The following VCL variants were observed in gnomAD, a reference collection of about 807,000 sequenced individuals.
VCL encodes the protein epididymis luminal protein 114.
A neutral mutation model predicts 125.7 loss-of-function variants in VCL; 47 were observed. That is an observed-to-expected ratio of 0.37 (90% confidence interval 0.30 to 0.48). VCL has a LOEUF of 0.48. VCL is among the 20% of genes least tolerant of loss of function. The probability of loss-of-function intolerance (pLI) is 0.99; values close to 1 mark genes in which losing one functional copy is unlikely to be tolerated. For synonymous variants in VCL, 458 were observed against 514.6 expected (o/e 0.89, Z 1.49); for missense variants, 1,069 against 1,455.5 (o/e 0.73, Z 4.32).
Position 74,074,842 on chromosome 10 carries a change from T to G in VCL, c.722T>G (p.Ile241Ser). ...ACTGTAGAAAAAATGAGTGCTGAAA[T>G]TAATGAGATAATTCGTGTGTTACAA... ...NFTVEKMSAE[I>S]NEIIRVLQLT... The change falls in exon 6 of 22, where the codon ATT becomes AGT. Residue 241 changes from isoleucine to serine, a missense_variant. Physicochemically the swap from Ile to Ser is moderately radical, Grantham distance 142. Coordinates refer to ENST00000211998, the MANE Select transcript of VCL (RefSeq NM_014000.3). 6.2e-7 allele frequency: 1 copy of G among 1,614,130 alleles called. No individual in the cohort carries two copies. The highest frequency in any genetic ancestry group is 8.5e-7 in the Non-Finnish European group (1 of 1,180,014).
rs369092479 is a variant in VCL at position 74,116,753 on chromosome 10, A to G, written c.3259-1270A>G. Among the ~76,000 whole-genome samples the G allele has an allele frequency of 5.8e-4, 88 of 152,258 alleles. 1 individual carries two copies. The highest frequency in any genetic ancestry group is 1.2e-3 in the Admixed American group (18 of 15,292). On this transcript the variant is annotated intron_variant, in intron 21 of 21. Transcript: ENST00000211998. ...AACAAAAAACAAAACCCATAGGACT[A>G]TAAGTCAGAAATCCTGAGTCCTAAT...
At chr10:74,065,273 A>G (rs890022751) in intron 2 of VCL, among the ~76,000 whole-genome samples, 1 of 151,836 alleles carries the variant, frequency 6.6e-6, no homozygotes, top group African/African-American at 2.4e-5. Context: ...AGTAGCTGGG[A>G]TTACAGGCGC....
chr10:74,073,963 C>A (rs1839536399), intron 5 of VCL, among the ~76,000 whole-genome samples: 1 of 152,198 alleles, frequency 6.6e-6, no homozygotes, highest in Admixed American at 6.5e-5. Context: ...CACAGTGGCT[C>A]ACTCCTGTAA....
intron 2 of VCL, among the ~76,000 whole-genome samples, chr10:74,069,410 G>C (rs976052702): frequency 1.3e-5 from 2 of 152,180 alleles, no homozygotes; most frequent in Admixed American, 1.3e-4. Context: ...AGTTAGAATA[G>C]TGCTTTTTAC....
chr10:74,040,723 A>C (rs142020849), intron 1 of VCL, among the ~76,000 whole-genome samples: 2 of 152,364 alleles, frequency 1.3e-5, no homozygotes, highest in East Asian at 3.9e-4. Context: ...AGCATTGGCT[A>C]TTACACAGTG....
intron 1 of VCL, among the ~76,000 whole-genome samples, chr10:74,030,762 C>A (rs563582686): frequency 6.6e-6 from 1 of 152,234 alleles, no homozygotes; most frequent in South Asian, 2.1e-4. Context: ...AAATTTGGAT[C>A]TTTGTGAAAT....
At chr10:74,080,482 A>G (rs1014222772) in intron 6 of VCL, among the ~76,000 whole-genome samples, 2 of 152,124 alleles carry the variant, frequency 1.3e-5, no homozygotes, top group Admixed American at 6.5e-5. Context: ...CTAAAACAGA[A>G]CCTAACATGC....
At chr10:74,018,608 A>G (rs954947969) in intron 1 of VCL, among the ~76,000 whole-genome samples, 2 of 152,114 alleles carry the variant, frequency 1.3e-5, no homozygotes, top group Non-Finnish European at 2.9e-5. Flanking sequence ...CAGTTAGGGA[A>G]TGGGGAAGCT....
chr10:74,079,391 TG>T (rs1275075141), intron 6 of VCL, among the ~76,000 whole-genome samples: 1 of 152,180 alleles, frequency 6.6e-6, no homozygotes, highest in Non-Finnish European at 1.5e-5. Flanking sequence ...TTCCCAAAGT[TG>T]AGCTTTTACA....
intron 8 of VCL, among the ~76,000 whole-genome samples, chr10:74,087,125 A>G (rs929180092): frequency 2.0e-5 from 3 of 152,030 alleles, no homozygotes; most frequent in Non-Finnish European, 2.9e-5. Context: ...AGATTTGAAG[A>G]AAAAAAGCAC....
At position 74,097,108 on chromosome 10, in the gene VCL, C is replaced by T; in HGVS notation, c.1744-96C>T. The T allele has an allele frequency of 6.5e-7, 1 of 1,535,976 alleles. No individual in the cohort carries two copies. Among genetic ancestry groups the T allele is most frequent in the South Asian group, 1.1e-5 (1 of 89,208 alleles). ...TAACAAATATTTATTGAATGAAAGA[C>T]TGAATAGATGAATGAATGTCAGTGA... On this transcript the variant is annotated intron_variant, in intron 12 of 21. Coordinates refer to ENST00000211998, the MANE Select transcript of VCL (RefSeq NM_014000.3). The surrounding 1 kb of genome is among the most constrained non-coding windows in gnomAD (Gnocchi z 4.1).
At chr10:74,103,408 G>A (rs985493489) in intron 14 of VCL, among the ~76,000 whole-genome samples, 2 of 152,148 alleles carry the variant, frequency 1.3e-5, no homozygotes, top group African/African-American at 4.8e-5. Context: ...TAACTGTCCT[G>A]TCTCATGGGG....
At chr10:74,066,861 G>A (rs1426427813) in intron 2 of VCL, among the ~76,000 whole-genome samples, 2 of 151,790 alleles carry the variant, frequency 1.3e-5, no homozygotes, top group East Asian at 3.9e-4. Context: ...TAGTAGAGAC[G>A]GGGTTTCACC....
At chr10:74,025,802 T>C (rs758985664) in intron 1 of VCL, among the ~76,000 whole-genome samples, 8 of 152,152 alleles carry the variant, frequency 5.3e-5, no homozygotes, top group African/African-American at 1.9e-4. Flanking sequence ...ATGTCACTTA[T>C]CTTGGGTAAT....
intron 1 of VCL, among the ~76,000 whole-genome samples, chr10:74,013,997 A>C (rs1016002791): frequency 6.6e-6 from 1 of 152,246 alleles, no homozygotes; most frequent in Non-Finnish European, 1.5e-5. Flanking sequence ...GTTGTGGAAT[A>C]TACAGTTTTA....
At position 74,021,387 on chromosome 10, in the gene VCL, GT is replaced by G. The variant is rs919026945; in HGVS notation, c.169-21685del. Among the ~76,000 whole-genome samples the G allele has an allele frequency of 5.0e-3, 738 of 146,706 alleles. 2 individuals are homozygous for G. Among genetic ancestry groups the G allele is most frequent in the Middle Eastern group, 0.014 (4 of 278 alleles). On this transcript the variant is annotated intron_variant, in intron 1 of 21. Coordinates refer to ENST00000211998, the MANE Select transcript of VCL (RefSeq NM_014000.3). ...AATTGGTTGCATTTTCAGCACTGCA[GT>G]TTTTTTTTTTCCCTGTCAGAACAAG...
chr10:74,050,652 C>CT (rs1176677114), intron 2 of VCL, among the ~76,000 whole-genome samples: 10 of 152,192 alleles, frequency 6.6e-5, no homozygotes, highest in African/African-American at 2.2e-4. Flanking sequence ...CCCAGAATAT[C>CT]TTTTTTTAAC....
chr10:74,094,374 C>G lies in VCL; in HGVS notation c.1456C>G (p.Pro486Ala), dbSNP rs1839933298. The change falls in exon 11 of 22, where the codon CCG becomes GCG. Residue 486 changes from proline to alanine, a missense_variant. Around this residue, in one of 6 missense-constraint regions of VCL, gnomAD observed 760 missense variants for 928.9 expected, o/e 0.82. Transcript: ENST00000211998. ...CAACCGGGCTGTGGCCAACAGCAGA[C>G]CGGCCAAAGCAGCTGTACACCTTGA... ...KTNRAVANSR[P>A]AKAAVHLEGK... 6.2e-7 allele frequency: 1 copy of G among 1,614,138 alleles called. No individual in the cohort carries two copies. Among genetic ancestry groups the G allele is most frequent in the East Asian group, 2.2e-5 (1 of 44,880 alleles).
intron 2 of VCL, among the ~76,000 whole-genome samples, chr10:74,061,606 A>G (rs1345733250): frequency 6.6e-6 from 1 of 152,176 alleles, no homozygotes; most frequent in Non-Finnish European, 1.5e-5. Flanking sequence ...AATTTCTTTA[A>G]ATATTACCCT....
Sources: gnomAD v4.1 joint callset for allele counts (sites outside exome capture counted in the v4.1 genomes callset) on GRCh38, gnomAD v4.1.1 for gene constraint, gnomAD v4.1.1 regional missense constraint, Gnocchi (gnomAD v3.1) non-coding constraint, MANE v1.5 for transcripts, NCBI Gene and HGNC (gene_info 2026-07-23, HGNC 2026-07-21) for gene names.